The following MYO7B variants were observed in gnomAD, a reference collection of about 807,000 sequenced individuals.
MYO7B encodes unconventional myosin-VIIb.
In MYO7B, 212 loss-of-function variants were observed where a neutral mutation model predicts 259.7. That is an observed-to-expected ratio of 0.82 (90% CI 0.73 to 0.91). The LOEUF (loss-of-function observed/expected upper bound fraction) is 0.91, where lower values mean the gene tolerates loss of function less well. Ranked by LOEUF, MYO7B falls within the 40% of genes least tolerant of loss-of-function variation. MYO7B has a pLI of 0.00. For missense variants in MYO7B, 2,732 were observed against 2,813.5 expected (o/e 0.97, Z 0.66); for synonymous variants, 1,197 against 1,166.4 (o/e 1.03, Z -0.54).
At position 127,576,761 on chromosome 2, in the gene MYO7B, G is replaced by C; in HGVS notation, c.849+53G>C. 7.7e-7 allele frequency: 1 copy of C among 1,297,314 alleles called. No individual in the cohort carries two copies. The highest frequency in any genetic ancestry group is 1.1e-6 in the Non-Finnish European group (1 of 911,920). The allele number at this position is 1,297,314 out of a possible 1,614,324, so 80.4% of individuals were successfully genotyped here. Reference sequence around the variant, plus strand: ...TAGCCAGTGGAAGGGAGGAAAAAGAGCTTGTGCCGCTCCACCCTCCGCGAC... The same window carrying C: ...TAGCCAGTGGAAGGGAGGAAAAAGACCTTGTGCCGCTCCACCCTCCGCGAC... On this transcript the variant is annotated intron_variant, in intron 8 of 47. Transcript: ENST00000409816. The surrounding 1 kb of genome is among the most constrained non-coding windows in gnomAD (Gnocchi z 4.9).
At chr2:127,548,740 C>A (rs769153674) in intron 1 of MYO7B, among the ~76,000 whole-genome samples, 1 of 152,104 alleles carries the variant, frequency 6.6e-6, no homozygotes, top group Non-Finnish European at 1.5e-5. Context: ...ATGCATTCAG[C>A]ACTATAAATT....
At chr2:127,624,420 G>T in intron 30 of MYO7B, 100 bp downstream of exon 30, 1 of 1,112,832 alleles carries the variant, frequency 9.0e-7, no homozygotes, top group Non-Finnish European at 1.3e-6. Flanking sequence ...TAGAAGGTGG[G>T]GGGGCAGGAA....
chr2:127,610,962 C>T (rs1295717114), intron 24 of MYO7B, among the ~76,000 whole-genome samples: 1 of 152,246 alleles, frequency 6.6e-6, no homozygotes, highest in African/African-American at 2.4e-5. Context: ...TCAAATAGCA[C>T]ACATTCATTA....
chr2:127,543,808 G>T (rs193028466), intron 1 of MYO7B, among the ~76,000 whole-genome samples: 5 of 150,286 alleles, frequency 3.3e-5, no homozygotes, highest in African/African-American at 1.2e-4. Flanking sequence ...GCAGTGGCGC[G>T]ATCTTGCCTC....
chr2:127,546,670 C>T lies in MYO7B; in HGVS notation c.-24+10839C>T, dbSNP rs983846780. ...TCAGGGCTTAACAAAAGGAACTGGA[C>T]TAAGAAGTCATCCCATTCCCAAGGG... On this transcript the variant is annotated intron_variant, in intron 1 of 47. Transcript: ENST00000409816. The surrounding 1 kb of genome is among the most constrained non-coding windows in gnomAD (Gnocchi z 4.2). Among the ~76,000 whole-genome samples the T allele has an allele frequency of 1.3e-5, 2 of 152,172 alleles. No individual in the cohort carries two copies. Among genetic ancestry groups the T allele is most frequent in the African/African-American group, 4.8e-5 (2 of 41,434 alleles).
At chr2:127,631,451 G>A in intron 37 of MYO7B, 88 bp downstream of exon 37, 1 of 1,551,662 alleles carries the variant, frequency 6.4e-7, no homozygotes. Context: ...GTGCTCTAGG[G>A]CAGGAGAGCC....
intron 1 of MYO7B, among the ~76,000 whole-genome samples, chr2:127,553,775 C>T (rs1693539008): frequency 6.6e-6 from 1 of 152,168 alleles, no homozygotes; most frequent in African/African-American, 2.4e-5. Context: ...ATTGCTCTGG[C>T]TAGGGCTTCC....
In MYO7B at chr2:127,564,405, C is replaced by T. The variant is rs773173895; in HGVS notation, c.132+139C>T. 1.2e-5 allele frequency: 7 copies of T among 580,256 alleles called. 1 individual carries two copies. The highest frequency in any genetic ancestry group is 4.6e-4 in the Middle Eastern group (1 of 2,194). The allele number at this position is 580,256 out of a possible 1,614,324, so 35.9% of individuals were successfully genotyped here. A position where few individuals can be genotyped will look rare whatever the true frequency, so the allele number is the denominator to read the frequency against. On this transcript the variant is annotated intron_variant, in intron 3 of 47. Coordinates refer to ENST00000409816, the MANE Select transcript of MYO7B (RefSeq NM_001393586.1). ...GGGACCTGGGTGGCAGGACAGATCA[C>T]GGTGGAGTCCTGCCATGGAGAACAT... is the stretch of plus-strand genomic sequence containing the variant.
In MYO7B at chr2:127,581,894, C is replaced by T. The variant is rs1335700615; in HGVS notation, c.1084C>T (p.Gln362Ter). ...FPTVMKLLEVQHQELRDCLIK... is the reference protein window; with the variant it reads ...FPTVMKLLEV ...CAGCCCCCACCTGCCTCCCCAGGTGCAGCACCAGGAGCTCCGGGACTGTCT... is the reference window on the plus strand; with the variant it reads ...CAGCCCCCACCTGCCTCCCCAGGTGTAGCACCAGGAGCTCCGGGACTGTCT... The change falls in exon 11 of 48, where the codon CAG becomes TAG. Residue 362 changes from glutamine (Q) to a stop codon, truncating the protein, a stop_gained. Transcript: ENST00000409816. LOFTEE classifies it high-confidence loss of function. 13 of 1,613,590 alleles carry T rather than the reference C, an allele frequency of 8.1e-6. No individual in the cohort carries two copies. Among genetic ancestry groups the T allele is most frequent in the South Asian group, 1.1e-5 (1 of 91,086 alleles).
chr2:127,590,234 T>C lies in MYO7B; in HGVS notation c.1992+5T>C, dbSNP rs1679507211. On this transcript the variant is annotated splice_donor_5th_base_variant and intron_variant, in intron 16 of 47. Transcript: ENST00000409816. The surrounding 1 kb of genome is among the most constrained non-coding windows in gnomAD (Gnocchi z 4.6). ...AATGAGTACAAGAAGCCGCTGGTAA[T>C]GACAGGAGGCTGGGGCACAGCAAAG... 2 of 1,612,544 alleles carry C rather than the reference T, an allele frequency of 1.2e-6. No homozygotes were observed. The highest frequency in any genetic ancestry group is 2.2e-5 in the East Asian group (1 of 44,892).
At chr2:127,565,507 C>T (rs893671966) in intron 4 of MYO7B, 122 bp downstream of exon 4, 12 of 1,323,444 alleles carry the variant, frequency 9.1e-6, no homozygotes, top group South Asian at 8.5e-5. Context: ...GGGAGGTGGG[C>T]GAGGTGCCTA....
chr2:127,635,029 AGGTGGCAGGCGCAGTGTGGGG>A, intron 42 of MYO7B, 70 bp from the exon 43 acceptor site: 1 of 987,242 alleles, frequency 1.0e-6, no homozygotes, highest in South Asian at 1.4e-5. Context: ...CGAGGCAGGG[AGGTGGCAGGCGCAGTGTGGGG>A]GGTGGCAGGG....
At chr2:127,569,991 G>A (rs1417279005) in intron 6 of MYO7B, 81 bp downstream of exon 6, 37 of 1,467,072 alleles carry the variant, frequency 2.5e-5, no homozygotes, top group Non-Finnish European at 3.1e-5. Context: ...GGGAGGGACA[G>A]GATAGGCCAC....
In MYO7B at chr2:127,627,610, T is replaced by G; in HGVS notation, c.4460+300T>G. 1.9e-6 allele frequency: 1 copy of G among 516,094 alleles called. No homozygotes were observed. The highest frequency in any genetic ancestry group is 3.7e-6 in the Non-Finnish European group (1 of 266,728). 32.0% of individuals were successfully genotyped at this position (516,094 alleles called of 1,614,324 possible). On this transcript the variant is annotated intron_variant, in intron 33 of 47. Transcript: ENST00000409816. The surrounding 1 kb of genome is among the most constrained non-coding windows in gnomAD (Gnocchi z 5.6). Reference sequence around the variant, plus strand: ...GTGCAGCCTCTGGCGGGCACTTATTTAGAAGGCTCCTTTCTTTGTCATGGA... The same window carrying G: ...GTGCAGCCTCTGGCGGGCACTTATTGAGAAGGCTCCTTTCTTTGTCATGGA...
Position 127,607,475 on chromosome 2 carries a change from T to G in MYO7B, c.2643+51T>G. Reference sequence around the variant, plus strand: ...CAGGTGGGGCTGGCTGGGGCCCCAGTGGGTGAGGGCAAGAAGGAGTGAGCG... The same window carrying G: ...CAGGTGGGGCTGGCTGGGGCCCCAGGGGGTGAGGGCAAGAAGGAGTGAGCG... On this transcript the variant is annotated intron_variant, in intron 21 of 47. Transcript: ENST00000409816. The surrounding 1 kb of genome is among the most constrained non-coding windows in gnomAD (Gnocchi z 4.4). 1 of 1,493,994 alleles carries G rather than the reference T, an allele frequency of 6.7e-7. No individual in the cohort carries two copies. 92.5% of individuals were successfully genotyped at this position (1,493,994 alleles called of 1,614,324 possible). A position where few individuals can be genotyped will look rare whatever the true frequency, so the allele number is the denominator to read the frequency against.
At position 127,597,907 on chromosome 2, in the gene MYO7B, G is replaced by T. The variant is rs1268517767; in HGVS notation, c.2339+1351G>T. On this transcript the variant is annotated intron_variant, in intron 19 of 47. Coordinates refer to ENST00000409816, the MANE Select transcript of MYO7B (RefSeq NM_001393586.1). This position sits in a 1 kb window ranked among gnomAD's most constrained non-coding sequence, Gnocchi z 4.8. ...CCCGCCTCAGCCTCTCAAAGTGCTG[G>T]GATTGCAGGTGTGAGCCACTGCGCC... Among the ~76,000 whole-genome samples, 1 of 151,976 alleles carries T rather than the reference G, an allele frequency of 6.6e-6. No homozygotes were observed. Among genetic ancestry groups the T allele is most frequent in the African/African-American group, 2.4e-5 (1 of 41,344 alleles).
At chr2:127,617,535 G>A (rs543472985) in intron 26 of MYO7B, among the ~76,000 whole-genome samples, 11 of 112,360 alleles carry the variant, frequency 9.8e-5, no homozygotes, top group Admixed American at 2.5e-4. Flanking sequence ...TCGCTCTGTC[G>A]CCCAGGCCAG....
Position 127,624,298 on chromosome 2 carries a change from C to T in MYO7B, c.4025C>T (p.Ser1342Phe). The stretch of plus-strand genomic sequence containing the variant: ...CGCCAAGTCCTCCGAGGAGTCTGGT[C>T]TGGCGAGTACAGCTTCGAGAAGGTG... The part of the protein sequence containing the change: ...IYRQVLRGVW[S>F]GEYSFEKEEE... The change falls in exon 30 of 48, where the codon TCT becomes TTT. Residue 1342 changes from serine (S) to phenylalanine (F), a missense_variant. Physicochemically the swap from Ser to Phe is radical, Grantham distance 155. Transcript: ENST00000409816. 6.3e-7 allele frequency: 1 copy of T among 1,581,218 alleles called. No individual in the cohort carries two copies. Among genetic ancestry groups the T allele is most frequent in the Non-Finnish European group, 8.6e-7 (1 of 1,164,206 alleles).
intron 2 of MYO7B, among the ~76,000 whole-genome samples, chr2:127,560,027 T>C (rs910743058): frequency 1.7e-5 from 2 of 117,944 alleles, no homozygotes; most frequent in Admixed American, 1.0e-4. Flanking sequence ...TTTCTTTTCT[T>C]TTCTTTTTTT....
Sources: allele counts gnomAD v4.1 joint callset (sites outside exome capture counted in the v4.1 genomes callset), GRCh38; gene constraint gnomAD v4.1.1; non-coding constraint Gnocchi (gnomAD v3.1); transcripts MANE v1.5; gene names NCBI Gene and HGNC (gene_info 2026-07-23, HGNC 2026-07-21).